DMXL1: variants seen among roughly 807,000 people sequenced by gnomAD.
DMXL1 encodes the protein Dmx like 1.
In DMXL1, 99 loss-of-function variants were observed where a neutral mutation model predicts 319.2. That is an observed-to-expected ratio of 0.31 (90% CI 0.26 to 0.37). The LOEUF is 0.37. Ranked by LOEUF, DMXL1 falls within the 10% of genes least tolerant of loss-of-function variation. The probability of loss-of-function intolerance (pLI) is 1.00; values close to 1 mark genes in which losing one functional copy is unlikely to be tolerated. For missense variants in DMXL1, 3,745 were observed against 3,595.6 expected (o/e 1.04, Z -1.06); for synonymous variants, 1,385 against 1,235.2 (o/e 1.12, Z -2.54).
intron 31 of DMXL1, among the ~76,000 whole-genome samples, chr5:119,197,553 A>G (rs73244808): frequency 0.045 from 6,909 of 152,248 alleles, 552 homozygotes; most frequent in African/African-American, 0.16. Context: ...ACACAGATTT[A>G]TGGCATACCT....
chr5:119,121,144 T>TGAAACATTGTTC lies in DMXL1; in HGVS notation c.1102+6_1102+17dup. On this transcript the variant is annotated splice_donor_region_variant and intron_variant, in intron 9 of 43. Transcript: ENST00000539542. ...CCAGCATCAACCCAGCCACAGGTAATGAAACATTGTTCAAAACATGTTTCT... is the reference window on the plus strand; with the variant it reads ...CCAGCATCAACCCAGCCACAGGTAATGAAACATTGTTCGAAACATTGTTCAAAACATGTTTCT... 6.3e-7 allele frequency: 1 copy of TGAAACATTGTTC among 1,587,564 alleles called. No individual in the cohort carries two copies. Among genetic ancestry groups the TGAAACATTGTTC allele is most frequent in the Non-Finnish European group, 8.5e-7 (1 of 1,169,650 alleles).
At chr5:119,240,265 T>C (rs115425620) in intron 41 of DMXL1, among the ~76,000 whole-genome samples, 154 bp from the exon 42 acceptor site, 173 of 152,306 alleles carry the variant, frequency 1.1e-3, no homozygotes, top group African/African-American at 4.0e-3. Context: ...AAAATTAGTT[T>C]CATATAAATT....
intron 25 of DMXL1, among the ~76,000 whole-genome samples, chr5:119,174,215 A>G (rs1052438895): frequency 5.3e-5 from 8 of 152,170 alleles, no homozygotes; most frequent in Non-Finnish European, 1.0e-4. Context: ...ATGTCTGTGC[A>G]CCCCATGGCC....
At chr5:119,138,648 G>A (rs886766049) in intron 13 of DMXL1, among the ~76,000 whole-genome samples, 2 of 152,104 alleles carry the variant, frequency 1.3e-5, no homozygotes, top group Non-Finnish European at 2.9e-5. Context: ...AGACCAGCTT[G>A]GCCAACATGG....
At chr5:119,074,368 C>G (rs1750341422) in intron 1 of DMXL1, among the ~76,000 whole-genome samples, 1 of 152,224 alleles carries the variant, frequency 6.6e-6, no homozygotes, top group Non-Finnish European at 1.5e-5. Context: ...TGCAGTTCCC[C>G]TTGAAAAATT....
At chr5:119,092,981 A>G (rs1755122778) in intron 1 of DMXL1, among the ~76,000 whole-genome samples, 1 of 152,058 alleles carries the variant, frequency 6.6e-6, no homozygotes, top group South Asian at 2.1e-4. Context: ...TTTTGTGTGG[A>G]CATGTTTTCA....
At chr5:119,158,759 A>G (rs1771637605) in intron 19 of DMXL1, among the ~76,000 whole-genome samples, 1 of 152,122 alleles carries the variant, frequency 6.6e-6, no homozygotes, top group South Asian at 2.1e-4. Context: ...TTTGTCCTTA[A>G]TTTTGTTAAT....
intron 1 of DMXL1, 39 bp downstream of exon 1, chr5:119,071,695 C>T (rs767958352): frequency 8.5e-6 from 13 of 1,535,706 alleles, no homozygotes; most frequent in African/African-American, 5.5e-5. Flanking sequence ...GTGGCCCGGC[C>T]TTTGCCCGTC....
intron 4 of DMXL1, among the ~76,000 whole-genome samples, chr5:119,107,333 C>A (rs1176786055): frequency 6.6e-6 from 1 of 150,472 alleles, no homozygotes; most frequent in Non-Finnish European, 1.5e-5. Flanking sequence ...AGAGCAAGAA[C>A]TTGTCTCAGA....
chr5:119,101,076 C>T (rs576855473), intron 2 of DMXL1, among the ~76,000 whole-genome samples: 44 of 152,164 alleles, frequency 2.9e-4, no homozygotes, highest in Middle Eastern at 3.4e-3. Flanking sequence ...CCACCGCGGC[C>T]GGCCTTACAC....
chr5:119,167,528 A>G, intron 22 of DMXL1, 75 bp from the exon 23 acceptor site: 2 of 1,203,020 alleles, frequency 1.7e-6, no homozygotes, highest in Non-Finnish European at 1.2e-6. Flanking sequence ...TTTTCTAGTT[A>G]TTAGTGAGTT....
At chr5:119,238,832 T>C in intron 40 of DMXL1, 157 bp from the exon 41 acceptor site, 1 of 958,652 alleles carries the variant, frequency 1.0e-6, no homozygotes, top group Non-Finnish European at 1.2e-6. Context: ...AAGTTCTCTG[T>C]ATTACTTTTA....
chr5:119,201,973 G>T (rs1780785944), intron 32 of DMXL1, among the ~76,000 whole-genome samples: 2 of 151,854 alleles, frequency 1.3e-5, no homozygotes, highest in Admixed American at 6.6e-5. Flanking sequence ...TTTTTTATTA[G>T]TCTAGCTGGC....
intron 19 of DMXL1, among the ~76,000 whole-genome samples, chr5:119,157,660 A>T (rs540218977): frequency 6.6e-6 from 1 of 152,056 alleles, no homozygotes; most frequent in Non-Finnish European, 1.5e-5. Context: ...CGTGCCTTCT[A>T]TTCTGTTCCA....
At chr5:119,198,888 T>A (rs142519959) in intron 32 of DMXL1, among the ~76,000 whole-genome samples, 14 of 152,174 alleles carry the variant, frequency 9.2e-5, no homozygotes, top group Admixed American at 2.0e-4. Flanking sequence ...TACCCAGTAG[T>A]TATTTTTCCT....
chr5:119,145,065 T>G (rs891922599), intron 15 of DMXL1, among the ~76,000 whole-genome samples: 8 of 151,914 alleles, frequency 5.3e-5, no homozygotes, highest in African/African-American at 1.7e-4. Flanking sequence ...TTTAAAATGT[T>G]AAACTCCTCT....
Position 119,175,249 on chromosome 5 carries a change from T to G in DMXL1, c.6682-12T>G, listed in dbSNP as rs1445605140. 1.4e-5 allele frequency: 22 copies of G among 1,602,310 alleles called. No homozygotes were observed. The highest frequency in any genetic ancestry group is 1.8e-5 in the Non-Finnish European group (21 of 1,175,194). ...AGGTTATACTTAAAGTAATTTTGTT[T>G]TTGTTTTCCAGGTGTATGTAATGCA... On this transcript the variant is annotated splice_polypyrimidine_tract_variant and intron_variant, in intron 25 of 43. Transcript: ENST00000539542.
At position 119,247,283 on chromosome 5, in the gene DMXL1, A is replaced by G; in HGVS notation, c.*64A>G. ...GAAGTGGCCAACAGATATAATATAC[A>G]GTGATCATTCTCTATGCCACAAATT... is the stretch of plus-strand genomic sequence containing the variant. On this transcript the variant is annotated 3_prime_UTR_variant, in exon 44 of 44. Coordinates refer to ENST00000539542, the MANE Select transcript of DMXL1 (RefSeq NM_001290321.3). The G allele has an allele frequency of 1.8e-6, 2 of 1,119,428 alleles. No homozygotes were observed. Among genetic ancestry groups the G allele is most frequent in the Non-Finnish European group, 2.6e-6 (2 of 776,660 alleles). 69.3% of individuals were successfully genotyped at this position (1,119,428 alleles called of 1,614,324 possible). A position where few individuals can be genotyped will look rare whatever the true frequency, so the allele number is the denominator to read the frequency against.
At chr5:119,124,101 G>C (rs544638359) in intron 9 of DMXL1, among the ~76,000 whole-genome samples, 78 of 151,458 alleles carry the variant, frequency 5.1e-4, no homozygotes, top group African/African-American at 1.5e-3. Flanking sequence ...CTGAGGCCAG[G>C]AGTTCAAGAC....
Sources: gnomAD v4.1 joint callset for allele counts (sites outside exome capture counted in the v4.1 genomes callset) on GRCh38, gnomAD v4.1.1 for gene constraint, MANE v1.5 for transcripts, NCBI Gene and HGNC (gene_info 2026-07-23, HGNC 2026-07-21) for gene names.